PCSK9: variants seen among roughly 807,000 people sequenced by gnomAD.
PCSK9 encodes convertase subtilisin/kexin type 9 preproprotein.
In PCSK9, 57 loss-of-function variants were observed where a neutral mutation model predicts 62.1. The observed-to-expected ratio is 0.92, with a 90% CI of 0.74 to 1.14. The LOEUF is 1.14. Ranked by LOEUF, PCSK9 falls within the 50% of genes most tolerant of loss-of-function variation. PCSK9 has a pLI of 0.00. For synonymous variants in PCSK9, 387 were observed against 409.4 expected (o/e 0.95, Z 0.66); for missense variants, 870 against 959.8 (o/e 0.91, Z 1.24).
At chr1:55,057,903 C>A in intron 7 of PCSK9, 133 bp from the exon 8 acceptor site, 1 of 1,316,838 alleles carries the variant, frequency 7.6e-7, no homozygotes, top group Non-Finnish European at 1.1e-6. Flanking sequence ...GGCTTACCTT[C>A]GAGAAGAGAG....
chr1:55,040,085 C>G lies in PCSK9; in HGVS notation c.207+41C>G, dbSNP rs745692493. 1 of 1,542,472 alleles carries G rather than the reference C, an allele frequency of 6.5e-7. No homozygotes were observed. Among genetic ancestry groups the G allele is most frequent in the East Asian group, 2.4e-5 (1 of 40,846 alleles). On this transcript the variant is annotated intron_variant, in intron 1 of 11. Transcript: ENST00000302118. The surrounding 1 kb of genome is among the most constrained non-coding windows in gnomAD (Gnocchi z 4.1). ...TGGGAGGCCGGGGCGAACCCGCAGCCGGGACGGTGCGGTGCTGTTTCCTCT... is the reference window on the plus strand; with the variant it reads ...TGGGAGGCCGGGGCGAACCCGCAGCGGGGACGGTGCGGTGCTGTTTCCTCT...
Position 55,057,361 on chromosome 1 carries a change from G to A in PCSK9, c.1027G>A (p.Asp343Asn), listed in dbSNP as rs762974799. Reference protein sequence around the residue: ...VITVGATNAQDQPVTLGTLGT... With the variant: ...VITVGATNAQNQPVTLGTLGT... ...CACAGTTGGGGCCACCAATGCCCAA[G>A]ACCAGCCGGTGACCCTGGGGACTTT... Residue 343 changes from aspartate (D) to asparagine (N), a missense_variant, in exon 7 of 12, where the codon GAC becomes AAC. By Grantham distance (23) the Asp-to-Asn change is conservative. Transcript: ENST00000302118. 6.2e-7 allele frequency: 1 copy of A among 1,614,002 alleles called. No homozygotes were observed. The highest frequency in any genetic ancestry group is 2.2e-5 in the East Asian group (1 of 44,876).
rs751873016 is a variant in PCSK9 at position 55,046,519 on chromosome 1, G to T, written c.400-4G>T. 1.9e-6 allele frequency: 3 copies of T among 1,614,172 alleles called. No individual in the cohort carries two copies. Among genetic ancestry groups the T allele is most frequent in the Non-Finnish European group, 1.7e-6 (2 of 1,180,036 alleles). ...GAGTCCCCCGGCCTCTCTGGCTTCT[G>T]CAGGCCTTGAAGTTGCCCCATGTCG... On this transcript the variant is annotated splice_polypyrimidine_tract_variant and splice_region_variant and intron_variant, in intron 2 of 11. Coordinates refer to ENST00000302118, the MANE Select transcript of PCSK9 (RefSeq NM_174936.4).
In PCSK9 at chr1:55,058,029, G is replaced by A; in HGVS notation, c.1181-7G>A. 2 of 1,613,638 alleles carry A rather than the reference G, an allele frequency of 1.2e-6. No homozygotes were observed. The highest frequency in any genetic ancestry group is 1.7e-6 in the Non-Finnish European group (2 of 1,180,032). Reference sequence around the variant, plus strand: ...TCACCATCTTTCACCATTCACCCCTGCACCAGGCATTGCAGCCATGATGCT... The same window carrying A: ...TCACCATCTTTCACCATTCACCCCTACACCAGGCATTGCAGCCATGATGCT... On this transcript the variant is annotated splice_polypyrimidine_tract_variant and splice_region_variant and intron_variant, in intron 7 of 11. Coordinates refer to ENST00000302118, the MANE Select transcript of PCSK9 (RefSeq NM_174936.4).
At chr1:55,046,422 G>C in intron 2 of PCSK9, 101 bp from the exon 3 acceptor site, 1 of 1,562,906 alleles carries the variant, frequency 6.4e-7, no homozygotes, top group Admixed American at 1.7e-5. Flanking sequence ...GCTGGGCTGG[G>C]ATGTGGGGAC....
rs72646523 is a variant in PCSK9 at position 55,061,308 on chromosome 1, T to C, written c.1682-67T>C. 373 of 1,506,550 alleles carry C rather than the reference T, an allele frequency of 2.5e-4. No homozygotes were observed. In the African/African-American group the frequency reaches 4.4e-3, roughly 18 times the overall value. 93.3% of individuals were successfully genotyped at this position (1,506,550 alleles called of 1,614,324 possible). A position where few individuals can be genotyped will look rare whatever the true frequency, so the allele number is the denominator to read the frequency against. ...CAGACCTTAAAGAGAGAGGGTCTGA[T>C]GGGGATGGGCACTGGAGACGGAGCA... On this transcript the variant is annotated intron_variant, in intron 10 of 11. Transcript: ENST00000302118.
At position 55,058,534 on chromosome 1, in the gene PCSK9, C is replaced by T; in HGVS notation, c.1390C>T (p.His464Tyr). Residue 464 changes from histidine to tyrosine, a missense_variant, in exon 9 of 12, where the codon CAC (histidine) becomes TAC (tyrosine). Transcript: ENST00000302118. ...QLFCRTVWSA[H>Y]SGPTRMATAV... is the part of the protein sequence containing the mutation. ...GTTTTGCAGGACTGTATGGTCAGCA[C>T]ACTCGGGGCCTACACGGATGGCCAC... 6.2e-7 allele frequency: 1 copy of T among 1,612,206 alleles called. No homozygotes were observed. Among genetic ancestry groups the T allele is most frequent in the Non-Finnish European group, 8.5e-7 (1 of 1,180,034 alleles).
chr1:55,053,707 G>A (rs146484322), intron 5 of PCSK9, among the ~76,000 whole-genome samples: 2 of 152,332 alleles, frequency 1.3e-5, no homozygotes, highest in African/African-American at 4.8e-5. Context: ...ACAGAGTACA[G>A]GTTTTGATGT....
chr1:55,040,441 C>A lies in PCSK9; in HGVS notation c.207+397C>A, dbSNP rs1319148944. Among the ~76,000 whole-genome samples the A allele has an allele frequency of 3.3e-5, 5 of 152,148 alleles. No homozygotes were observed. The highest frequency in any genetic ancestry group is 9.7e-5 in the African/African-American group (4 of 41,444). ...GTGAATGCCTGGAACGTACTGGGAA[C>A]TGCACCAGGCACAGAGAAAGCGGGC... On this transcript the variant is annotated intron_variant, in intron 1 of 11. Coordinates refer to ENST00000302118, the MANE Select transcript of PCSK9 (RefSeq NM_174936.4). This position sits in a 1 kb window ranked among gnomAD's most constrained non-coding sequence, Gnocchi z 4.1.
rs533852935 is a variant in PCSK9 at position 55,040,700 on chromosome 1, G to A, written c.207+656G>A. Among the ~76,000 whole-genome samples, 16 of 152,352 alleles carry A rather than the reference G, an allele frequency of 1.1e-4. No individual in the cohort carries two copies. In the East Asian group the frequency reaches 3.1e-3, roughly 29 times the overall value. On this transcript the variant is annotated intron_variant, in intron 1 of 11. Transcript: ENST00000302118. This position sits in a 1 kb window ranked among gnomAD's most constrained non-coding sequence, Gnocchi z 4.1. Reference sequence around the variant, plus strand: ...GAGAAGGGGCGGAGGTATTCTCGAGGCCCATTGGCGTCCTTTAGGACTCAG... The same window carrying A: ...GAGAAGGGGCGGAGGTATTCTCGAGACCCATTGGCGTCCTTTAGGACTCAG...
At chr1:55,055,955 G>T (rs1348911486) in intron 5 of PCSK9, 38 bp from the exon 6 acceptor site, 3 of 1,553,908 alleles carry the variant, frequency 1.9e-6, no homozygotes, top group Non-Finnish European at 2.6e-6. Context: ...AGGGGAGCAG[G>T]TCTCCCCAAG....
At position 55,052,421 on chromosome 1, in the gene PCSK9, G is replaced by A. The variant is rs918941328; in HGVS notation, c.657+10G>A. Reference sequence around the variant, plus strand: ...CCGCTTCCACAGACAGGTAAGCACGGCCGTCTGATGGGAGGGCTGCCTCTG... The same window carrying A: ...CCGCTTCCACAGACAGGTAAGCACGACCGTCTGATGGGAGGGCTGCCTCTG... On this transcript the variant is annotated intron_variant, in intron 4 of 11. Transcript: ENST00000302118. 6.2e-7 allele frequency: 1 copy of A among 1,613,684 alleles called. No individual in the cohort carries two copies. Among genetic ancestry groups the A allele is most frequent in the African/African-American group, 1.3e-5 (1 of 75,040 alleles).
At chr1:55,045,685 G>A (rs574057413) in intron 2 of PCSK9, among the ~76,000 whole-genome samples, 2 of 150,882 alleles carry the variant, frequency 1.3e-5, no homozygotes, top group African/African-American at 4.9e-5. Flanking sequence ...GAGGGAGTGG[G>A]GCAGATGCAC....
Position 55,063,896 on chromosome 1 carries a change from G to A in PCSK9, c.*312G>A, listed in dbSNP as rs1367014114. On this transcript the variant is annotated 3_prime_UTR_variant, in exon 12 of 12. Coordinates refer to ENST00000302118, the MANE Select transcript of PCSK9 (RefSeq NM_174936.4). The stretch of plus-strand genomic sequence containing the variant: ...AGCTGCTCCCAATGTGCCGATGTCC[G>A]TGGGCAGAATGACTTTTATTGAGCT... 12 of 449,538 alleles carry A rather than the reference G, an allele frequency of 2.7e-5. No individual in the cohort carries two copies. Among genetic ancestry groups the A allele is most frequent in the South Asian group, 9.7e-5 (3 of 30,848 alleles). 27.8% of individuals were successfully genotyped at this position (449,538 alleles called of 1,614,324 possible).
intron 5 of PCSK9, 27 bp downstream of exon 5, chr1:55,052,818 T>C (rs747568372): frequency 6.2e-7 from 1 of 1,612,820 alleles, no homozygotes; most frequent in Non-Finnish European, 8.5e-7. Flanking sequence ...GACGCTGGTC[T>C]CTCTCCATCT....
intron 1 of PCSK9, among the ~76,000 whole-genome samples, chr1:55,041,230 C>T (rs141907042): frequency 1.1e-3 from 160 of 152,324 alleles, no homozygotes; most frequent in African/African-American, 3.6e-3. Context: ...TTGCTCCAAA[C>T]CACAGCTCCT....
At chr1:55,057,931 C>G (rs113749908) in intron 7 of PCSK9, 105 bp from the exon 8 acceptor site, 20 of 1,462,652 alleles carry the variant, frequency 1.4e-5, no homozygotes, top group Non-Finnish European at 1.7e-5. Context: ...TCTGTGTGCA[C>G]GTGTGTTTGT....
chr1:55,063,734 T>G lies in PCSK9; in HGVS notation c.*150T>G. The G allele has an allele frequency of 1.1e-6, 1 of 951,604 alleles. No individual in the cohort carries two copies. Among genetic ancestry groups the G allele is most frequent in the East Asian group, 2.7e-5 (1 of 37,672 alleles). The allele number at this position is 951,604 out of a possible 1,614,324, so 58.9% of individuals were successfully genotyped here. ...CTTTCCGGGGCTGCTGGCCTGGCCCTTGAGTGGGGCAGCCTCCTTGCCTGG... is the reference window on the plus strand; with the variant it reads ...CTTTCCGGGGCTGCTGGCCTGGCCCGTGAGTGGGGCAGCCTCCTTGCCTGG... On this transcript the variant is annotated 3_prime_UTR_variant, in exon 12 of 12. Coordinates refer to ENST00000302118, the MANE Select transcript of PCSK9 (RefSeq NM_174936.4).
rs1391495200 is a variant in PCSK9 at position 55,040,764 on chromosome 1, T to C, written c.207+720T>C. Among the ~76,000 whole-genome samples the C allele has an allele frequency of 6.6e-6, 1 of 152,178 alleles. No homozygotes were observed. The highest frequency in any genetic ancestry group is 1.9e-4 in the East Asian group (1 of 5,190). Reference sequence around the variant, plus strand: ...CTTGGTGCTCTGGAGCCGGAGGTGGTGCGCCTGGTACTGGGACCCCGGAGC... The same window carrying C: ...CTTGGTGCTCTGGAGCCGGAGGTGGCGCGCCTGGTACTGGGACCCCGGAGC... On this transcript the variant is annotated intron_variant, in intron 1 of 11. Transcript: ENST00000302118. The surrounding 1 kb of genome is among the most constrained non-coding windows in gnomAD (Gnocchi z 4.1).
Sources: allele counts gnomAD v4.1 joint callset (sites outside exome capture counted in the v4.1 genomes callset), GRCh38; gene constraint gnomAD v4.1.1; non-coding constraint Gnocchi (gnomAD v3.1); transcripts MANE v1.5; gene names NCBI Gene and HGNC (gene_info 2026-07-23, HGNC 2026-07-21).